GALNT17: variants seen among roughly 807,000 people sequenced by gnomAD.
The protein encoded by GALNT17 is polypeptide N-acetylgalactosaminyltransferase 17.
In GALNT17, 29 loss-of-function variants were observed where a neutral mutation model predicts 63.7. The observed-to-expected ratio is 0.46, with a 90% confidence interval of 0.34 to 0.62. The LOEUF is 0.62. GALNT17 is among the 20% of genes least tolerant of loss of function. The pLI, the probability that GALNT17 is intolerant of heterozygous loss-of-function variation, is 0.01. For synonymous variants in GALNT17, 305 were observed against 318.3 expected, an observed-to-expected ratio of 0.96 and a Z score of 0.45; for missense variants, 603 against 799.6, an observed-to-expected ratio of 0.75 and a Z score of 2.97.
intron 5 of GALNT17, among the ~76,000 whole-genome samples, chr7:71,432,498 G>C (rs1253308442): frequency 1.3e-5 from 2 of 152,162 alleles, no homozygotes; most frequent in East Asian, 3.9e-4. Flanking sequence ...TATCAGGTAG[G>C]ATATTCCAAG....
At chr7:71,160,480 C>T (rs903198601) in intron 1 of GALNT17, among the ~76,000 whole-genome samples, 1 of 151,674 alleles carries the variant, frequency 6.6e-6, no homozygotes, top group Non-Finnish European at 1.5e-5. Context: ...TTTTTTGAGA[C>T]TGAGTTTCGC....
intron 6 of GALNT17, among the ~76,000 whole-genome samples, chr7:71,641,367 T>TA (rs1222921610): frequency 6.6e-6 from 1 of 152,190 alleles, no homozygotes; most frequent in Non-Finnish European, 1.5e-5. Flanking sequence ...AGGACCTACC[T>TA]AATGGGCTTT....
chr7:71,206,136 G>GT (rs975398572), intron 1 of GALNT17, among the ~76,000 whole-genome samples: 39 of 147,466 alleles, frequency 2.6e-4, no homozygotes, highest in Non-Finnish European at 7.4e-5. Context: ...GTTTGTGTGT[G>GT]TATATATATA....
At chr7:71,421,733 TG>T (rs1786668214) in intron 5 of GALNT17, among the ~76,000 whole-genome samples, 1 of 152,164 alleles carries the variant, frequency 6.6e-6, no homozygotes. Context: ...GTGGATCACT[TG>T]AAGTCAGGAG....
intron 1 of GALNT17, among the ~76,000 whole-genome samples, chr7:71,273,447 G>C (rs868539471): frequency 2.0e-5 from 3 of 152,164 alleles, no homozygotes; most frequent in African/African-American, 7.2e-5. Context: ...TTTCTCCCTG[G>C]TTATAGCTAT....
chr7:71,425,185 C>A (rs1325251400), intron 5 of GALNT17, among the ~76,000 whole-genome samples: 1 of 152,038 alleles, frequency 6.6e-6, no homozygotes, highest in Non-Finnish European at 1.5e-5. Flanking sequence ...GCAGCTGTTC[C>A]CAGCTCTGCT....
intron 5 of GALNT17, among the ~76,000 whole-genome samples, chr7:71,501,451 G>A (rs1788179213): frequency 6.6e-6 from 1 of 151,914 alleles, no homozygotes; most frequent in African/African-American, 2.4e-5. Context: ...AAAGATGTGT[G>A]CAGATGGGGT....
chr7:71,340,369 T>C (rs9638623), intron 2 of GALNT17, among the ~76,000 whole-genome samples: 151,309 of 152,290 alleles, frequency 0.99, 75,174 homozygotes, highest in East Asian at 1. Flanking sequence ...CTCCATTACC[T>C]CTCTAGTCTC....
chr7:71,235,045 G>A (rs1278021804), intron 1 of GALNT17, among the ~76,000 whole-genome samples: 2 of 152,138 alleles, frequency 1.3e-5, no homozygotes, highest in African/African-American at 4.8e-5. Context: ...GAGCTCAGGA[G>A]TTTGAGACCA....
At chr7:71,647,314 C>T (rs1007553793) in intron 6 of GALNT17, among the ~76,000 whole-genome samples, 1 of 151,208 alleles carries the variant, frequency 6.6e-6, no homozygotes, top group African/African-American at 2.5e-5. Flanking sequence ...AGTGATCTGC[C>T]TGCCTCGGCC....
chr7:71,618,397 T>G (rs563099703), intron 6 of GALNT17, among the ~76,000 whole-genome samples: 17 of 152,344 alleles, frequency 1.1e-4, no homozygotes, highest in Admixed American at 7.2e-4. Flanking sequence ...GAAGCTGCTC[T>G]CCACAGCAGC....
Position 71,384,621 on chromosome 7 carries a change from T to C in GALNT17, c.423-3614T>C, listed in dbSNP as rs1282871268. Among the ~76,000 whole-genome samples the C allele has an allele frequency of 2.6e-5, 4 of 152,314 alleles. No individual in the cohort carries two copies. In the East Asian group the frequency reaches 7.7e-4, roughly 29 times the overall value. ...ACTTTATTAATTAATGCTCATGATC[T>C]TCTGCATGTTTATGGAGCACTTTGG... On this transcript the variant is annotated intron_variant, in intron 2 of 10. Coordinates refer to ENST00000333538, the MANE Select transcript of GALNT17 (RefSeq NM_022479.3).
At chr7:71,685,976 A>G (rs1337871805) in intron 9 of GALNT17, among the ~76,000 whole-genome samples, 7 of 97,870 alleles carry the variant, frequency 7.2e-5, no homozygotes, top group Admixed American at 3.1e-4. Flanking sequence ...TTTTTTTGAG[A>G]CAGAGTCTCA....
At chr7:71,433,450 T>C (rs1262126630) in intron 5 of GALNT17, among the ~76,000 whole-genome samples, 1 of 152,204 alleles carries the variant, frequency 6.6e-6, no homozygotes, top group Non-Finnish European at 1.5e-5. Context: ...TTTGTGACAT[T>C]GCATAACTCT....
chr7:71,344,433 T>C (rs1792055514), intron 2 of GALNT17, among the ~76,000 whole-genome samples: 1 of 152,060 alleles, frequency 6.6e-6, no homozygotes, highest in African/African-American at 2.4e-5. Context: ...GAAGAAAAAT[T>C]TGGAGTGGAA....
chr7:71,688,227 C>T (rs552290016), intron 9 of GALNT17, among the ~76,000 whole-genome samples: 1 of 152,296 alleles, frequency 6.6e-6, no homozygotes, highest in African/African-American at 2.4e-5. Context: ...TCGTTGCATG[C>T]AGATAGTGAG....
At chr7:71,248,451 G>A (rs1790140096) in intron 1 of GALNT17, among the ~76,000 whole-genome samples, 1 of 152,148 alleles carries the variant, frequency 6.6e-6, no homozygotes, top group Admixed American at 6.6e-5. Context: ...TCAAACCTGT[G>A]TTATTAAGGG....
chr7:71,707,470 G>A (rs575692036), intron 9 of GALNT17, among the ~76,000 whole-genome samples: 4 of 152,272 alleles, frequency 2.6e-5, no homozygotes, highest in Admixed American at 6.5e-5. Flanking sequence ...GAAGGTTGCC[G>A]GGCAACACCT....
intron 9 of GALNT17, among the ~76,000 whole-genome samples, chr7:71,692,968 A>G (rs1420090888): frequency 1.3e-5 from 2 of 151,302 alleles, no homozygotes; most frequent in African/African-American, 4.9e-5. Flanking sequence ...CAAACTCCTG[A>G]CCTCAAGTGA....
Sources: gnomAD v4.1 joint callset for allele counts (sites outside exome capture counted in the v4.1 genomes callset) on GRCh38, gnomAD v4.1.1 for gene constraint, MANE v1.5 for transcripts, NCBI Gene and HGNC (gene_info 2026-07-23, HGNC 2026-07-21) for gene names.